The following FBXO42 variants were observed in gnomAD, a reference collection of about 807,000 sequenced individuals.
FBXO42 encodes F-box only protein 42.
FBXO42 carries 12 observed loss-of-function variants against 71.7 expected under a neutral mutation model. The ratio of observed to expected loss-of-function variants is 0.17; its 90% confidence interval spans 0.11 to 0.27. The LOEUF (loss-of-function observed/expected upper bound fraction) is 0.27. Among genes scored for constraint, FBXO42 ranks in the 10% least tolerant of loss-of-function variants. The pLI is 1.00. For synonymous variants in FBXO42, 325 were observed against 327.5 expected, an observed-to-expected ratio of 0.99 and a Z score of 0.08; for missense variants, 707 against 911.9, an observed-to-expected ratio of 0.78 and a Z score of 2.89.
intron 1 of FBXO42, among the ~76,000 whole-genome samples, chr1:16,322,486 G>A (rs1407081476): frequency 6.6e-6 from 1 of 152,188 alleles, no homozygotes; most frequent in Non-Finnish European, 1.5e-5. Flanking sequence ...TGAGGCAGGA[G>A]AATTGCTTGA....
intron 1 of FBXO42, among the ~76,000 whole-genome samples, chr1:16,340,398 A>G (rs2082591153): frequency 6.6e-6 from 1 of 151,718 alleles, no homozygotes. Flanking sequence ...GGCTCACTGC[A>G]GCCTCCGCCT....
chr1:16,283,494 G>GTTTTTTTTTTTTGTTTTT (rs763063776), intron 4 of FBXO42, among the ~76,000 whole-genome samples: 25 of 80,988 alleles, frequency 3.1e-4, no homozygotes, highest in South Asian at 4.6e-4. Context: ...ACTGTGGCAA[G>GTTTTTTTTTTTTGTTTTT]TTTTTTTTTT....
intron 1 of FBXO42, among the ~76,000 whole-genome samples, chr1:16,332,108 G>A (rs987713408): frequency 6.6e-6 from 1 of 151,996 alleles, no homozygotes; most frequent in Admixed American, 6.6e-5. Flanking sequence ...TATCTCATTA[G>A]CTTTAATAGT....
intron 4 of FBXO42, among the ~76,000 whole-genome samples, chr1:16,283,265 G>C (rs140429427): frequency 6.6e-6 from 1 of 151,968 alleles, no homozygotes; most frequent in African/African-American, 2.4e-5. Context: ...CTCTATCTTC[G>C]AGTGCATTTT....
chr1:16,310,217 C>T (rs1446585723), intron 2 of FBXO42, among the ~76,000 whole-genome samples: 2 of 149,890 alleles, frequency 1.3e-5, no homozygotes, highest in East Asian at 2.0e-4. Context: ...AAAAATTAGC[C>T]GGGCGTAGTA....
intron 4 of FBXO42, among the ~76,000 whole-genome samples, chr1:16,283,493 A>AGTTTTTTTTTGTT (rs1557583605): frequency 1.5e-5 from 1 of 64,632 alleles, no homozygotes; most frequent in Non-Finnish European, 3.7e-5. Flanking sequence ...AACTGTGGCA[A>AGTTTTTTTTTGTT]GTTTTTTTTT....
Position 16,252,178 on chromosome 1 carries a change from A to G in FBXO42, c.1038+110T>C. On this transcript the variant is annotated intron_variant, in intron 9 of 9. Coordinates refer to ENST00000375592, the MANE Select transcript of FBXO42 (RefSeq NM_018994.3). The surrounding 1 kb of genome is among the most constrained non-coding windows in gnomAD (Gnocchi z 4.4). ...GGCTAATGTTCACCTCTTTTGTGAC[A>G]CCAAGGTGTTTTCTATTTTTGTACA... 1 of 847,398 alleles carries G rather than the reference A, an allele frequency of 1.2e-6. No individual in the cohort carries two copies. The highest frequency in any genetic ancestry group is 1.9e-6 in the Non-Finnish European group (1 of 516,438). 52.5% of individuals were successfully genotyped at this position (847,398 alleles called of 1,614,324 possible). A position where few individuals can be genotyped will look rare whatever the true frequency, so the allele number is the denominator to read the frequency against.
rs1419709281 is a variant in FBXO42, at chr1:16,246,976, AC to A, written c.*3693del. ...CCTACACTGTTATGTGCCCAAAATG[AC>A]TATCTCAGGGTAAGCCACCTGGCAT... On this transcript the variant is annotated 3_prime_UTR_variant, in exon 10 of 10. Transcript: ENST00000375592. 1 of 152,228 alleles carries A rather than the reference AC, an allele frequency of 6.6e-6. No individual in the cohort carries two copies. Among genetic ancestry groups the A allele is most frequent in the Non-Finnish European group, 1.5e-5 (1 of 68,044 alleles). The allele number at this position is 152,228 out of a possible 1,614,324, so 9.4% of individuals were successfully genotyped here. A position where few individuals can be genotyped will look rare whatever the true frequency, so the allele number is the denominator to read the frequency against.
intron 4 of FBXO42, among the ~76,000 whole-genome samples, chr1:16,263,895 C>G (rs1336324423): frequency 1.4e-5 from 2 of 147,428 alleles, no homozygotes; most frequent in African/African-American, 5.0e-5. Flanking sequence ...GCTGCAACTT[C>G]CACCTCCCAG....
At position 16,281,370 on chromosome 1, in the gene FBXO42, C is replaced by T. The variant is rs188716954; in HGVS notation, c.502+13413G>A. Among the ~76,000 whole-genome samples the T allele has an allele frequency of 5.9e-5, 9 of 152,286 alleles. No homozygotes were observed. The East Asian group carries it at 1.7e-3, about 29-fold the overall frequency. Reference sequence around the variant, plus strand: ...ATCTGGGCGAACCAGCACCTCATCCCTAACAACCTCTCAAGGTCCACGTAC... The same window carrying T: ...ATCTGGGCGAACCAGCACCTCATCCTTAACAACCTCTCAAGGTCCACGTAC... On this transcript the variant is annotated intron_variant, in intron 4 of 9. Transcript: ENST00000375592.
chr1:16,259,714 C>T (rs1182899347), intron 4 of FBXO42, among the ~76,000 whole-genome samples: 5 of 146,070 alleles, frequency 3.4e-5, no homozygotes, highest in African/African-American at 7.7e-5. Flanking sequence ...TGCAGTGAGC[C>T]GAGATTGAGC....
At chr1:16,348,491 G>C (rs1269589399) in intron 1 of FBXO42, among the ~76,000 whole-genome samples, 4 of 152,054 alleles carry the variant, frequency 2.6e-5, no homozygotes, top group Non-Finnish European at 5.9e-5. Flanking sequence ...ATGGTCAGGA[G>C]TTCGAGACCA....
intron 1 of FBXO42, among the ~76,000 whole-genome samples, chr1:16,344,340 T>G (rs1443487078): frequency 7.4e-6 from 1 of 135,760 alleles, no homozygotes; most frequent in Non-Finnish European, 1.6e-5. Context: ...TTTTTTTTTT[T>G]GAGACAGAGA....
intron 3 of FBXO42, 84 bp downstream of exon 3, chr1:16,305,719 C>A (rs2082243028): frequency 8.3e-7 from 1 of 1,209,882 alleles, no homozygotes; most frequent in South Asian, 1.2e-5. Flanking sequence ...GTCTCAAAAA[C>A]AAACAAAAAA....
chr1:16,326,683 CA>C (rs397860543), intron 1 of FBXO42, among the ~76,000 whole-genome samples: 40,057 of 102,932 alleles, frequency 0.39, 5,557 homozygotes, highest in Non-Finnish European at 0.42. Flanking sequence ...AACCCTGTCT[CA>C]AAAAAAAAAA....
intron 3 of FBXO42, among the ~76,000 whole-genome samples, chr1:16,305,174 C>T (rs1042706815): frequency 1.3e-5 from 2 of 151,720 alleles, no homozygotes; most frequent in African/African-American, 2.4e-5. Context: ...CGCTTGAGCC[C>T]AGGAGTTGAA....
chr1:16,265,582 A>C (rs569624457), intron 4 of FBXO42, among the ~76,000 whole-genome samples: 46 of 152,184 alleles, frequency 3.0e-4, no homozygotes, highest in African/African-American at 1.1e-3. Flanking sequence ...TTACAGATGA[A>C]TAATGGTAGG....
chr1:16,335,885 A>C (rs2082547953), intron 1 of FBXO42, among the ~76,000 whole-genome samples: 1 of 150,758 alleles, frequency 6.6e-6, no homozygotes, highest in Non-Finnish European at 1.5e-5. Flanking sequence ...AAAAAAAAAA[A>C]CCTTTTGACT....
chr1:16,296,264 A>G (rs962916735), intron 3 of FBXO42, among the ~76,000 whole-genome samples: 2 of 152,222 alleles, frequency 1.3e-5, no homozygotes, highest in African/African-American at 4.8e-5. Flanking sequence ...AAAATAAAAT[A>G]AAATAAAATT....
Sources: gnomAD v4.1 joint callset for allele counts (sites outside exome capture counted in the v4.1 genomes callset) on GRCh38, gnomAD v4.1.1 for gene constraint, Gnocchi (gnomAD v3.1) non-coding constraint, MANE v1.5 for transcripts, NCBI Gene and HGNC (gene_info 2026-07-23, HGNC 2026-07-21) for gene names.